CTNNAL1: variants seen among roughly 807,000 people sequenced by gnomAD.
CTNNAL1 encodes the protein alpha-catulin.
A neutral mutation model predicts 93.6 loss-of-function variants in CTNNAL1; 69 were observed. The ratio of observed to expected loss-of-function variants is 0.74; its 90% CI spans 0.61 to 0.90. The LOEUF (loss-of-function observed/expected upper bound fraction) is 0.90. Ranked by LOEUF, CTNNAL1 falls within the 40% of genes least tolerant of loss-of-function variation. The probability of loss-of-function intolerance (pLI) is 0.00; values close to 1 mark genes in which losing one functional copy is unlikely to be tolerated. For missense variants in CTNNAL1, 836 were observed against 862.0 expected (o/e 0.97, Z 0.38); for synonymous variants, 286 against 305.4 (o/e 0.94, Z 0.66).
Position 108,952,377 on chromosome 9 carries a change from G to A in CTNNAL1, c.1681-14C>T, listed in dbSNP as rs1353373262. 12 of 1,613,956 alleles carry A rather than the reference G, an allele frequency of 7.4e-6. No individual in the cohort carries two copies. The highest frequency in any genetic ancestry group is 4.0e-5 in the African/African-American group (3 of 74,908). On this transcript the variant is annotated splice_polypyrimidine_tract_variant and intron_variant, in intron 13 of 18. Transcript: ENST00000325551. ...CTTGGCTTGCTCCTATGAAACAGAC[G>A]TTTTAATCACAACGACTTTATCACT...
chr9:108,983,946 G>C (rs1043097945), intron 5 of CTNNAL1, among the ~76,000 whole-genome samples: 2 of 152,290 alleles, frequency 1.3e-5, no homozygotes, highest in African/African-American at 4.8e-5. Flanking sequence ...GGAATTAAAG[G>C]GTGAATTTAC....
intron 11 of CTNNAL1, among the ~76,000 whole-genome samples, chr9:108,964,442 T>C (rs71499679): frequency 0.084 from 12,802 of 152,088 alleles, 619 homozygotes; most frequent in Middle Eastern, 0.12. Context: ...AATATAAACA[T>C]GTAAATATAA....
chr9:108,980,971 C>G (rs1188090050), intron 6 of CTNNAL1, among the ~76,000 whole-genome samples: 1 of 152,122 alleles, frequency 6.6e-6, no homozygotes, highest in African/African-American at 2.4e-5. Flanking sequence ...AGTTTCCCTC[C>G]ATAGATTATA....
At chr9:108,958,407 C>T (rs986968437) in intron 11 of CTNNAL1, among the ~76,000 whole-genome samples, 10 of 152,188 alleles carry the variant, frequency 6.6e-5, no homozygotes, top group Admixed American at 3.9e-4. Flanking sequence ...CTATTTTCAT[C>T]CACCTAGTAG....
At chr9:109,003,601 G>T (rs973881980) in intron 1 of CTNNAL1, among the ~76,000 whole-genome samples, 5 of 152,150 alleles carry the variant, frequency 3.3e-5, no homozygotes, top group African/African-American at 9.7e-5. Flanking sequence ...CCATAAACCA[G>T]TGGCTCCTAT....
At position 108,999,256 on chromosome 9, in the gene CTNNAL1, T is replaced by A; in HGVS notation, c.142A>T (p.Ile48Phe). ...TCTTTATGATTAATAAGCGTGGTGA[T>A]CTAAAAATAAAAGATAAAAGCAACT... is the stretch of plus-strand genomic sequence containing the variant. ...EQTLLPLVSQ[I>F]TTLINHKDNT... Residue 48 changes from isoleucine to phenylalanine, a missense_variant and splice_region_variant, in exon 2 of 19, where the codon ATC (isoleucine) becomes TTC (phenylalanine). Ile to Phe is a conservative substitution (Grantham distance 21, BLOSUM62 0). Transcript: ENST00000325551. 6.3e-7 allele frequency: 1 copy of A among 1,576,742 alleles called. No homozygotes were observed. The highest frequency in any genetic ancestry group is 8.6e-7 in the Non-Finnish European group (1 of 1,166,504).
At chr9:108,972,864 G>GGGGGGGGGGGGC in intron 8 of CTNNAL1, 31 bp from the exon 9 acceptor site, 1 of 142,590 alleles carries the variant, frequency 7.0e-6, no homozygotes, top group Non-Finnish European at 1.0e-5. Flanking sequence ...GGGGGGGTGG[G>GGGGGGGGGGGGC]AGGGTGGAGA....
intron 14 of CTNNAL1, 86 bp from the exon 15 acceptor site, chr9:108,948,320 TG>T: frequency 7.7e-7 from 1 of 1,291,592 alleles, no homozygotes; most frequent in Non-Finnish European, 1.1e-6. Flanking sequence ...AGAGCATTTG[TG>T]TATTAACAAA....
intron 15 of CTNNAL1, 27 bp downstream of exon 15, chr9:108,948,159 C>T (rs1587941890): frequency 6.2e-7 from 1 of 1,608,334 alleles, no homozygotes; most frequent in South Asian, 1.1e-5. Context: ...AATTAAAGTA[C>T]TAGCATAAAA....
At chr9:108,947,304 A>G (rs1830436379) in intron 15 of CTNNAL1, among the ~76,000 whole-genome samples, 1 of 152,070 alleles carries the variant, frequency 6.6e-6, no homozygotes, top group South Asian at 2.1e-4. Context: ...TAGTGGAGAC[A>G]GGGTTCCACC....
chr9:108,948,049 T>C, intron 15 of CTNNAL1, 137 bp downstream of exon 15: 1 of 996,056 alleles, frequency 1.0e-6, no homozygotes, highest in South Asian at 1.6e-5. Flanking sequence ...TTTCTACTTT[T>C]CTACTGCTCT....
intron 11 of CTNNAL1, among the ~76,000 whole-genome samples, chr9:108,956,479 A>G (rs1317042825): frequency 6.6e-6 from 1 of 152,218 alleles, no homozygotes; most frequent in Non-Finnish European, 1.5e-5. Flanking sequence ...TAGACTTTTT[A>G]TAAATGCTGG....
intron 1 of CTNNAL1, among the ~76,000 whole-genome samples, chr9:109,010,846 C>A (rs1003896010): frequency 2.0e-5 from 3 of 152,214 alleles, no homozygotes; most frequent in Non-Finnish European, 2.9e-5. Context: ...AACCCTGCCT[C>A]CTCCATGACA....
intron 15 of CTNNAL1, 131 bp downstream of exon 15, chr9:108,948,055 G>A: frequency 2.9e-6 from 3 of 1,043,462 alleles, no homozygotes; most frequent in East Asian, 5.6e-5. Flanking sequence ...CTTTTCTACT[G>A]CTCTCTGTAA....
chr9:108,973,505 C>A (rs1032299021), intron 8 of CTNNAL1, among the ~76,000 whole-genome samples: 1 of 152,060 alleles, frequency 6.6e-6, no homozygotes, highest in African/African-American at 2.4e-5. Flanking sequence ...TCTATAGTTG[C>A]CATCCAGATC....
chr9:108,969,031 G>C (rs1831035081), intron 10 of CTNNAL1, among the ~76,000 whole-genome samples: 1 of 152,130 alleles, frequency 6.6e-6, no homozygotes, highest in Non-Finnish European at 1.5e-5. Flanking sequence ...CAGCACTTTG[G>C]GAGGCCGAGG....
chr9:108,954,868 A>C lies in CTNNAL1; in HGVS notation c.1629+922T>G, dbSNP rs28361157. ...CTATCATTTCTAAAATTCCAGACTT[A>C]AGACTTTAATATCTCTCTTCATTGC... On this transcript the variant is annotated intron_variant, in intron 12 of 18. Transcript: ENST00000325551. Among the ~76,000 whole-genome samples, 912 of 152,326 alleles carry C rather than the reference A, an allele frequency of 6.0e-3. 3 individuals are homozygous for C. The highest frequency in any genetic ancestry group is 0.048 in the Middle Eastern group (14 of 294).
chr9:108,982,711 T>A (rs1831472665), intron 6 of CTNNAL1, among the ~76,000 whole-genome samples: 1 of 152,232 alleles, frequency 6.6e-6, no homozygotes, highest in Admixed American at 6.5e-5. Flanking sequence ...ATAGATACAT[T>A]TGCTTTTGTG....
chr9:108,992,466 TAC>T (rs1200533522), intron 3 of CTNNAL1, among the ~76,000 whole-genome samples, 164 bp downstream of exon 3: 1 of 151,556 alleles, frequency 6.6e-6, no homozygotes, highest in Non-Finnish European at 1.5e-5. Context: ...GCATTCAACG[TAC>T]AGATGATCAG....
Sources: allele counts gnomAD v4.1 joint callset (sites outside exome capture counted in the v4.1 genomes callset), GRCh38; gene constraint gnomAD v4.1.1; transcripts MANE v1.5; gene names NCBI Gene and HGNC (gene_info 2026-07-23, HGNC 2026-07-21).